The following YAP1 variants were observed in gnomAD, a reference collection of about 807,000 sequenced individuals.
YAP1 encodes the protein Yes1 associated transcriptional regulator, also known as transcriptional coactivator YAP1.
In YAP1, 5 loss-of-function variants were observed where a neutral mutation model predicts 56.9. That is an observed-to-expected ratio of 0.09 (90% CI 0.05 to 0.18). The LOEUF is 0.18. YAP1 is among the 10% of genes least tolerant of loss of function. The pLI, the probability that YAP1 is intolerant of heterozygous loss-of-function variation, is 1.00. For missense variants in YAP1, 539 were observed against 651.8 expected (o/e 0.83, Z 1.88); for synonymous variants, 265 against 248.1 (o/e 1.07, Z -0.64).
At chr11:102,161,548 G>A (rs1298284037) in intron 2 of YAP1, among the ~76,000 whole-genome samples, 1 of 152,052 alleles carries the variant, frequency 6.6e-6, no homozygotes, top group African/African-American at 2.4e-5. Flanking sequence ...ATCATTAAAT[G>A]TTAACTGGCT....
At chr11:102,200,895 A>G (rs558115559) in intron 4 of YAP1, among the ~76,000 whole-genome samples, 1 of 152,360 alleles carries the variant, frequency 6.6e-6, no homozygotes, top group South Asian at 2.1e-4. Context: ...GATACTACTC[A>G]TCTTTCAGAT....
chr11:102,209,645 G>T, intron 6 of YAP1, 81 bp downstream of exon 6: 10 of 1,316,520 alleles, frequency 7.6e-6, no homozygotes, highest in Middle Eastern at 2.5e-4. Flanking sequence ...TACATTCCAG[G>T]GTCCTGTCCT....
At chr11:102,151,238 A>G (rs955286246) in intron 2 of YAP1, among the ~76,000 whole-genome samples, 3 of 152,156 alleles carry the variant, frequency 2.0e-5, no homozygotes, top group East Asian at 1.9e-4. Context: ...TTTGGTTGCT[A>G]GAATCATGTT....
At chr11:102,225,889 G>C (rs1195325394) in intron 7 of YAP1, among the ~76,000 whole-genome samples, 2 of 152,184 alleles carry the variant, frequency 1.3e-5, no homozygotes, top group African/African-American at 2.4e-5. Flanking sequence ...CTGTCATGTA[G>C]TAGCAGATGC....
Position 102,179,954 on chromosome 11 carries a change from C to T in YAP1, c.689-6064C>T, listed in dbSNP as rs115325331. Among the ~76,000 whole-genome samples, 704 of 150,792 alleles carry T rather than the reference C, an allele frequency of 4.7e-3. 6 individuals carry two copies. The highest frequency in any genetic ancestry group is 0.016 in the African/African-American group (673 of 41,160). ...AAGAATGAAACAATATTTTGTTTTA[C>T]AAGCATAAACAAAGGATTTTAATTA... On this transcript the variant is annotated intron_variant, in intron 3 of 8. Coordinates refer to ENST00000282441, the MANE Select transcript of YAP1 (RefSeq NM_001130145.3).
In YAP1 at chr11:102,110,971, CCAGGCGGCGCCG is replaced by C. The variant is rs1942859608; in HGVS notation, c.129_140del (p.Ala44_Ala47del). ...CCGGGCAACCGGCACCCGCGGCGAC[CCAGGCGGCGCCG>C]CAGGCACCCCCCGCCGGGCATCAGA... is the stretch of plus-strand genomic sequence containing the variant. On this transcript the variant is annotated inframe_deletion, in exon 1 of 9. Transcript: ENST00000282441. The C allele has an allele frequency of 9.9e-6, 15 of 1,522,228 alleles. No individual in the cohort carries two copies. The Middle Eastern group carries it at 6.6e-4, about 67-fold the overall frequency. The allele number at this position is 1,522,228 out of a possible 1,614,324, so 94.3% of individuals were successfully genotyped here. A position where few individuals can be genotyped will look rare whatever the true frequency, so the allele number is the denominator to read the frequency against.
intron 2 of YAP1, among the ~76,000 whole-genome samples, chr11:102,157,936 A>G (rs1193446957): frequency 6.6e-6 from 1 of 152,204 alleles, no homozygotes; most frequent in African/African-American, 2.4e-5. Flanking sequence ...TTTTTAAAAA[A>G]GTTTCTAATT....
chr11:102,160,139 T>C (rs368158553), intron 2 of YAP1, among the ~76,000 whole-genome samples: 17 of 151,240 alleles, frequency 1.1e-4, no homozygotes, highest in African/African-American at 3.6e-4. Flanking sequence ...TTCTCCTGCC[T>C]TAGCCTCCCG....
Position 102,230,226 on chromosome 11 carries a change from G to C in YAP1, c.*286G>C. ...TTTGGGGGCTGGGGGAAGTGAGCCT[G>C]TTTGGATGATGGATGCCATTCCTTT... On this transcript the variant is annotated 3_prime_UTR_variant, in exon 9 of 9. Coordinates refer to ENST00000282441, the MANE Select transcript of YAP1 (RefSeq NM_001130145.3). 1 of 272,802 alleles carries C rather than the reference G, an allele frequency of 3.7e-6. No individual in the cohort carries two copies. The highest frequency in any genetic ancestry group is 7.0e-6 in the Non-Finnish European group (1 of 142,854). The allele number at this position is 272,802 out of a possible 1,614,324, so 16.9% of individuals were successfully genotyped here.
At chr11:102,178,601 T>C (rs1050985780) in intron 3 of YAP1, among the ~76,000 whole-genome samples, 1 of 152,202 alleles carries the variant, frequency 6.6e-6, no homozygotes, top group Non-Finnish European at 1.5e-5. Context: ...AGTAGCTAAG[T>C]TGTCAATCAA....
intron 4 of YAP1, among the ~76,000 whole-genome samples, chr11:102,190,463 T>G (rs2135528456): frequency 6.6e-6 from 1 of 151,764 alleles, no homozygotes; most frequent in East Asian, 1.9e-4. Context: ...AAACCCCATC[T>G]CTACTAAAAA....
intron 6 of YAP1, among the ~76,000 whole-genome samples, chr11:102,215,809 T>C (rs938065336): frequency 6.6e-6 from 1 of 152,154 alleles, no homozygotes; most frequent in Non-Finnish European, 1.5e-5. Flanking sequence ...ACGAACATAG[T>C]ATGTTTCATT....
intron 2 of YAP1, among the ~76,000 whole-genome samples, chr11:102,123,164 G>A (rs565090082): frequency 6.6e-6 from 1 of 152,168 alleles, no homozygotes; most frequent in African/African-American, 2.4e-5. Context: ...GACAATTCAT[G>A]TTGTGCCTAC....
chr11:102,169,776 G>C (rs1946801821), intron 3 of YAP1, among the ~76,000 whole-genome samples: 1 of 152,228 alleles, frequency 6.6e-6, no homozygotes, highest in African/African-American at 2.4e-5. Flanking sequence ...CAATCCTTAA[G>C]AAGCTTGGTT....
At chr11:102,120,510 A>G (rs1943585001) in intron 2 of YAP1, among the ~76,000 whole-genome samples, 1 of 152,226 alleles carries the variant, frequency 6.6e-6, no homozygotes, top group African/African-American at 2.4e-5. Context: ...GGTTAGTGCC[A>G]TTACTTCATG....
At chr11:102,216,378 A>G (rs941696964) in intron 6 of YAP1, among the ~76,000 whole-genome samples, 4 of 152,324 alleles carry the variant, frequency 2.6e-5, no homozygotes, top group Non-Finnish European at 5.9e-5. Context: ...ATGAAGTCAA[A>G]TTAATCCGAA....
intron 2 of YAP1, among the ~76,000 whole-genome samples, chr11:102,138,516 C>T (rs1012504808): frequency 6.6e-6 from 1 of 152,140 alleles, no homozygotes; most frequent in Non-Finnish European, 1.5e-5. Context: ...TTTAAGGCCT[C>T]CTGAGGCCAT....
chr11:102,170,332 A>T (rs967284401), intron 3 of YAP1, among the ~76,000 whole-genome samples: 12 of 152,104 alleles, frequency 7.9e-5, no homozygotes, highest in African/African-American at 2.2e-4. Flanking sequence ...GCAGATCAGT[A>T]TTTTTTTTAA....
rs1019646103 is a variant in YAP1, at chr11:102,233,173, A to G, written c.*3233A>G. The G allele has an allele frequency of 1.5e-4, 23 of 152,210 alleles. No homozygotes were observed. The highest frequency in any genetic ancestry group is 2.0e-4 in the Admixed American group (3 of 15,270). 9.4% of individuals were successfully genotyped at this position (152,210 alleles called of 1,614,324 possible). ...TGTTATAAGAATTGTGGGTGTGCCT[A>G]TCATAACAATTGTTTTCTGTATCTT... On this transcript the variant is annotated 3_prime_UTR_variant, in exon 9 of 9. Coordinates refer to ENST00000282441, the MANE Select transcript of YAP1 (RefSeq NM_001130145.3).
Sources: gnomAD v4.1 joint callset for allele counts (sites outside exome capture counted in the v4.1 genomes callset) on GRCh38, gnomAD v4.1.1 for gene constraint, MANE v1.5 for transcripts, NCBI Gene and HGNC (gene_info 2026-07-23, HGNC 2026-07-21) for gene names.